Variants in ACVR1B observed in about 807,000 individuals in gnomAD.
ACVR1B encodes the protein activin A receptor type 1B, also known as activin receptor type-1B.
A neutral mutation model predicts 55.6 loss-of-function variants in ACVR1B; 15 were observed. That is an observed-to-expected ratio of 0.27 (90% confidence interval 0.18 to 0.42). ACVR1B has a LOEUF of 0.42. Among genes scored for constraint, ACVR1B ranks in the 10% least tolerant of loss-of-function variants. The probability of loss-of-function intolerance (pLI) is 1.00; values close to 1 mark genes in which losing one functional copy is unlikely to be tolerated. For missense variants in ACVR1B, 359 were observed against 670.1 expected (o/e 0.54, Z 5.13); for synonymous variants, 247 against 254.6 (o/e 0.97, Z 0.28).
rs1942256882 is a variant in ACVR1B, at chr12:51,994,280, G to C, written c.*170G>C. 2 of 861,420 alleles carry C rather than the reference G, an allele frequency of 2.3e-6. No individual in the cohort carries two copies. The highest frequency in any genetic ancestry group is 3.4e-5 in the African/African-American group (2 of 58,368). 53.4% of individuals were successfully genotyped at this position (861,420 alleles called of 1,614,324 possible). On this transcript the variant is annotated 3_prime_UTR_variant, in exon 9 of 9. Transcript: ENST00000257963. This position sits in a 1 kb window ranked among gnomAD's most constrained non-coding sequence, Gnocchi z 4.2. ...AGAGACTCGCTCACTCCCATGTTGG[G>C]TTTGAGACAGACACCTTTTCTATTT...
Position 51,951,782 on chromosome 12 carries a change from T to A in ACVR1B, c.39T>A (p.Leu13=). 9.3e-6 allele frequency: 12 copies of A among 1,294,168 alleles called. No individual in the cohort carries two copies. The highest frequency in any genetic ancestry group is 1.2e-5 in the Non-Finnish European group (12 of 1,012,320). 80.2% of individuals were successfully genotyped at this position (1,294,168 alleles called of 1,614,324 possible). Residue 13 remains leucine, a synonymous_variant, in exon 1 of 9, where the codon CTT becomes CTA. Coordinates refer to ENST00000257963, the MANE Select transcript of ACVR1B (RefSeq NM_004302.5). The part of the protein sequence containing the change: ...ESAGASSFFP[L]VVLLLAGSGG... The stretch of plus-strand genomic sequence containing the variant: ...CCGGAGCCTCCTCCTTCTTCCCCCT[T>A]GTTGTCCTCCTGCTCGCCGGCAGCG...
rs560780595 is a variant in ACVR1B, at chr12:51,991,006, A to AT, written c.1262-852dup. On this transcript the variant is annotated intron_variant, in intron 7 of 8. Transcript: ENST00000257963. ...ACAAGTTGCGTAGCATTGGTTCTCT[A>AT]TTTTTGTGTCGTTAACGTGCCGTGG... Among the ~76,000 whole-genome samples, 432 of 152,228 alleles carry AT rather than the reference A, an allele frequency of 2.8e-3. 1 individual carries two copies. The highest frequency in any genetic ancestry group is 9.2e-3 in the African/African-American group (384 of 41,540).
chr12:51,983,207 A>G (rs1410924543), intron 4 of ACVR1B, among the ~76,000 whole-genome samples: 2 of 152,196 alleles, frequency 1.3e-5, no homozygotes, highest in Admixed American at 6.5e-5. Flanking sequence ...CTTCCAATTG[A>G]CAACGGCATG....
In ACVR1B at chr12:51,994,531, C is replaced by A; in HGVS notation, c.*421C>A. 5.8e-6 allele frequency: 1 copy of A among 172,108 alleles called. No homozygotes were observed. Among genetic ancestry groups the A allele is most frequent in the African/African-American group, 2.4e-5 (1 of 41,980 alleles). The allele number at this position is 172,108 out of a possible 1,614,324, so 10.7% of individuals were successfully genotyped here. A position where few individuals can be genotyped will look rare whatever the true frequency, so the allele number is the denominator to read the frequency against. ...CCAGCCCACAGCACACCAAGGTGGC[C>A]CGGAAGAACCAGAAGTGCAGCCCCT... On this transcript the variant is annotated 3_prime_UTR_variant, in exon 9 of 9. Transcript: ENST00000257963. This position sits in a 1 kb window ranked among gnomAD's most constrained non-coding sequence, Gnocchi z 4.2.
intron 1 of ACVR1B, among the ~76,000 whole-genome samples, chr12:51,959,833 A>G (rs1026450393): frequency 6.6e-5 from 10 of 150,744 alleles, no homozygotes; most frequent in Non-Finnish European, 1.3e-4. Context: ...GGGAGAGGGG[A>G]TTGTGGATGC....
At chr12:51,958,573 G>A (rs770587785) in intron 1 of ACVR1B, among the ~76,000 whole-genome samples, 5 of 151,754 alleles carry the variant, frequency 3.3e-5, no homozygotes, top group African/African-American at 9.7e-5. Context: ...GCTTGAATCC[G>A]GGAGGCGGAG....
chr12:51,978,313 A>G (rs918363487), intron 3 of ACVR1B, among the ~76,000 whole-genome samples: 5 of 152,106 alleles, frequency 3.3e-5, no homozygotes, highest in Non-Finnish European at 5.9e-5. Flanking sequence ...GGGAAGGGCC[A>G]TGGTAGTTGT....
chr12:51,985,081 A>T lies in ACVR1B; in HGVS notation c.980-111A>T, dbSNP rs563629309. The T allele has an allele frequency of 2.6e-6, 3 of 1,142,190 alleles. No individual in the cohort carries two copies. The African/African-American group carries it at 4.8e-5, about 18-fold the overall frequency. The allele number at this position is 1,142,190 out of a possible 1,614,324, so 70.8% of individuals were successfully genotyped here. On this transcript the variant is annotated intron_variant, in intron 5 of 8. Transcript: ENST00000257963. ...AAAGTCACTTTTCCAGGGTCACTGG[A>T]TTAGCAGGAGGCAAAGCCAGGACTC...
chr12:51,974,522 T>C (rs552491095), intron 1 of ACVR1B, among the ~76,000 whole-genome samples: 26 of 145,064 alleles, frequency 1.8e-4, no homozygotes, highest in South Asian at 6.6e-4. Context: ...TGTGTGTGTG[T>C]GCGCGCGCAC....
intron 1 of ACVR1B, among the ~76,000 whole-genome samples, chr12:51,958,459 A>G (rs1336333203): frequency 6.6e-6 from 1 of 151,970 alleles, no homozygotes; most frequent in East Asian, 1.9e-4. Context: ...CCTGGCCAAC[A>G]TGGTGAAACC....
chr12:51,952,889 C>T (rs1424441529), intron 1 of ACVR1B, among the ~76,000 whole-genome samples: 1 of 151,424 alleles, frequency 6.6e-6, no homozygotes, highest in Non-Finnish European at 1.5e-5. Flanking sequence ...CCCCACTCTC[C>T]TCTCTGTAGA....
At chr12:51,986,602 G>C (rs1318243403) in intron 6 of ACVR1B, among the ~76,000 whole-genome samples, 1 of 152,224 alleles carries the variant, frequency 6.6e-6, no homozygotes, top group East Asian at 1.9e-4. Context: ...ATACACATCA[G>C]AGTAGCCTGG....
At chr12:51,982,572 G>A in intron 4 of ACVR1B, 2 of 1,184,090 alleles carry the variant, frequency 1.7e-6, no homozygotes, top group Non-Finnish European at 2.2e-6. Flanking sequence ...CATTGTGGAA[G>A]GGTCTCTCTA....
intron 7 of ACVR1B, among the ~76,000 whole-genome samples, chr12:51,990,150 C>G (rs752528489): frequency 6.6e-6 from 1 of 151,448 alleles, no homozygotes; most frequent in Non-Finnish European, 1.5e-5. Flanking sequence ...AAAAATTAGC[C>G]GGGCATGGTG....
In ACVR1B at chr12:51,963,759, C is replaced by G. The variant is rs117405351; in HGVS notation, c.92-11506C>G. Among the ~76,000 whole-genome samples the G allele has an allele frequency of 7.7e-4, 117 of 152,262 alleles. 2 individuals are homozygous for G. The East Asian group carries it at 0.011, about 14-fold the overall frequency. On this transcript the variant is annotated intron_variant, in intron 1 of 8. Transcript: ENST00000257963. ...TAGTACTGTTGAGAATATTCATGTA[C>G]AAGTCTGTGTTTAAACATTTGTTTC...
intron 3 of ACVR1B, among the ~76,000 whole-genome samples, chr12:51,979,466 C>CAA (rs11421560): frequency 0.097 from 11,329 of 117,308 alleles, 856 homozygotes; most frequent in Non-Finnish European, 0.13. Context: ...GACACCATCT[C>CAA]AAAAAAAAAA....
chr12:51,952,322 C>T (rs892200959), intron 1 of ACVR1B, among the ~76,000 whole-genome samples: 1 of 152,152 alleles, frequency 6.6e-6, no homozygotes, highest in Non-Finnish European at 1.5e-5. Context: ...AGTCCGCGCA[C>T]CTCAGACTGT....
intron 1 of ACVR1B, chr12:51,953,562 G>A: frequency 1.0e-6 from 1 of 978,902 alleles, no homozygotes; most frequent in Non-Finnish European, 1.2e-6. Flanking sequence ...CATGTTTTTG[G>A]AATGTGTAAC....
chr12:51,981,290 CATT>C (rs1411211537), intron 4 of ACVR1B, 91 bp downstream of exon 4: 2 of 1,108,360 alleles, frequency 1.8e-6, no homozygotes, highest in Non-Finnish European at 1.3e-6. Context: ...TTGCCTTCAT[CATT>C]GTAACCCGTA....
Sources: gnomAD v4.1 joint callset for allele counts (sites outside exome capture counted in the v4.1 genomes callset) on GRCh38, gnomAD v4.1.1 for gene constraint, Gnocchi (gnomAD v3.1) non-coding constraint, MANE v1.5 for transcripts, NCBI Gene and HGNC (gene_info 2026-07-23, HGNC 2026-07-21) for gene names.